Variants in RIMS1 observed in about 807,000 individuals in gnomAD.
RIMS1 encodes regulating synaptic membrane exocytosis protein 1.
Under a neutral mutation model 214.1 loss-of-function variants are expected in RIMS1, and 83 were observed. That is an observed-to-expected ratio of 0.39 (90% CI 0.32 to 0.47). The LOEUF (loss-of-function observed/expected upper bound fraction) is 0.47. RIMS1 is among the 20% of genes least tolerant of loss of function. The probability of loss-of-function intolerance (pLI) is 0.99; values close to 1 mark genes in which losing one functional copy is unlikely to be tolerated. For missense variants in RIMS1, 2,050 were observed against 2,161.8 expected, an observed-to-expected ratio of 0.95 and a Z score of 1.03; for synonymous variants, 793 against 786.8, an observed-to-expected ratio of 1.01 and a Z score of -0.13.
At chr6:72,054,323 A>G (rs928948680) in intron 2 of RIMS1, among the ~76,000 whole-genome samples, 2 of 152,146 alleles carry the variant, frequency 1.3e-5, no homozygotes, top group Non-Finnish European at 2.9e-5. Context: ...TATGCAGTCT[A>G]TCATTGGTGG....
rs375918012 is a variant in RIMS1 at position 72,182,412 on chromosome 6, G to A, written c.941G>A (p.Arg314Gln). The A allele has an allele frequency of 2.2e-5, 35 of 1,613,822 alleles. No homozygotes were observed. Among genetic ancestry groups the A allele is most frequent in the Non-Finnish European group, 2.9e-5 (34 of 1,179,884 alleles). Residue 314 changes from arginine to glutamine, a missense_variant, in exon 6 of 34, where the codon CGG becomes CAG. Physicochemically the swap from Arg to Gln is conservative, Grantham distance 43. Transcript: ENST00000521978. ...GAAGAACGGGAGCGCAAAGAAAGGC[G>A]GGAAAGCCGAAGGCTTGAGAAAGGG... ...AVEERERKERRESRRLEKGRS... is the reference protein window; with the variant it reads ...AVEERERKERQESRRLEKGRS...
At chr6:72,092,317 C>T (rs1477532513) in intron 2 of RIMS1, among the ~76,000 whole-genome samples, 1 of 142,910 alleles carries the variant, frequency 7.0e-6, no homozygotes, top group Non-Finnish European at 1.5e-5. Context: ...TCCTTCCTTC[C>T]TTCCATAATA....
rs1314577793 is a variant in RIMS1, at chr6:72,271,282, AAAAAATATATATATATAT to A, written c.3399-3065_3399-3048del. 2.2e-4 allele frequency among the ~76,000 whole-genome samples: 15 copies of A among 68,336 alleles called. No homozygotes were observed. In the South Asian group the frequency reaches 6.7e-3, roughly 31 times the overall value. The allele number at this position is 68,336 out of a possible 152,430, so 44.8% of individuals were successfully genotyped here. Reference sequence around the variant, plus strand: ...CTCCATCTCAAGGAAAAAAAAAAAAAAAAAATATATATATATATATATATATATATATATGTTAATTAA... The same window carrying A: ...CTCCATCTCAAGGAAAAAAAAAAAAAATATATATATATATATGTTAATTAA... On this transcript the variant is annotated intron_variant, in intron 22 of 33. Transcript: ENST00000521978.
chr6:72,229,966 A>C (rs113436882), intron 6 of RIMS1, among the ~76,000 whole-genome samples: 4,305 of 151,920 alleles, frequency 0.028, 79 homozygotes, highest in Non-Finnish European at 0.042. Flanking sequence ...TATGCAGTGC[A>C]TAAAAACATT....
At chr6:72,184,176 C>T (rs1192852058) in intron 6 of RIMS1, among the ~76,000 whole-genome samples, 2 of 152,140 alleles carry the variant, frequency 1.3e-5, no homozygotes, top group African/African-American at 4.8e-5. Flanking sequence ...TAGTGCAATA[C>T]CATTAACTTT....
At chr6:72,293,355 T>C (rs780298596) in intron 26 of RIMS1, among the ~76,000 whole-genome samples, 12 of 151,980 alleles carry the variant, frequency 7.9e-5, no homozygotes, top group Non-Finnish European at 1.5e-4. Context: ...ATGTTTAACA[T>C]TTTTCCTCTC....
chr6:72,200,598 G>A (rs969100963), intron 6 of RIMS1, among the ~76,000 whole-genome samples: 4 of 152,118 alleles, frequency 2.6e-5, no homozygotes, highest in Admixed American at 2.6e-4. Context: ...GACTTTTTCT[G>A]GTCTTATGAA....
intron 4 of RIMS1, among the ~76,000 whole-genome samples, chr6:72,174,803 G>T (rs2047492596): frequency 6.6e-6 from 1 of 152,152 alleles, no homozygotes; most frequent in South Asian, 2.1e-4. Flanking sequence ...TAGTAAGACA[G>T]TGGAATGGGA....
At chr6:72,010,892 G>A (rs1187650549) in intron 2 of RIMS1, among the ~76,000 whole-genome samples, 6 of 152,168 alleles carry the variant, frequency 3.9e-5, no homozygotes, top group Admixed American at 2.6e-4. Context: ...TCCTGAAAAT[G>A]GCCATACTGC....
intron 6 of RIMS1, among the ~76,000 whole-genome samples, chr6:72,186,670 T>C (rs1192041229): frequency 1.3e-5 from 2 of 152,192 alleles, no homozygotes; most frequent in Admixed American, 1.3e-4. Flanking sequence ...TTTGCAGTTT[T>C]TGGCTTTGTT....
At chr6:72,261,657 AAG>A (rs1268416313) in intron 19 of RIMS1, 2 of 983,230 alleles carry the variant, frequency 2.0e-6, no homozygotes, top group African/African-American at 3.5e-5. Context: ...AAGAGAAAGA[AAG>A]AGGTATTACC....
intron 6 of RIMS1, among the ~76,000 whole-genome samples, chr6:72,222,829 A>G (rs1257352353): frequency 1.3e-5 from 2 of 152,170 alleles, no homozygotes; most frequent in African/African-American, 4.8e-5. Context: ...TTTAACATCA[A>G]TGTTTTGCCC....
At chr6:72,005,108 C>T (rs1291821454) in intron 2 of RIMS1, among the ~76,000 whole-genome samples, 2 of 152,086 alleles carry the variant, frequency 1.3e-5, no homozygotes, top group African/African-American at 2.4e-5. Flanking sequence ...GTTTTCCCAG[C>T]ACCATTTATT....
chr6:72,045,901 C>G (rs549012943), intron 2 of RIMS1, among the ~76,000 whole-genome samples: 1 of 150,120 alleles, frequency 6.7e-6, no homozygotes, highest in African/African-American at 2.4e-5. Flanking sequence ...AATTGAAACC[C>G]TTTAATTTAA....
At chr6:72,256,866 AAATT>A (rs1467062050) in intron 16 of RIMS1, among the ~76,000 whole-genome samples, 2 of 152,036 alleles carry the variant, frequency 1.3e-5, no homozygotes, top group African/African-American at 2.4e-5. Flanking sequence ...TGATAAGAAA[AAATT>A]AAAGTATTTC....
intron 6 of RIMS1, among the ~76,000 whole-genome samples, chr6:72,214,738 G>A (rs560375182): frequency 1.4e-5 from 2 of 144,596 alleles, no homozygotes; most frequent in African/African-American, 5.1e-5. Flanking sequence ...TTTTTTTTTT[G>A]GGAGATGGAA....
At chr6:72,075,581 A>T (rs1167256554) in intron 2 of RIMS1, among the ~76,000 whole-genome samples, 1 of 152,218 alleles carries the variant, frequency 6.6e-6, no homozygotes, top group African/African-American at 2.4e-5. Context: ...TATCATGTAA[A>T]GAGCTTTAAT....
At chr6:71,901,832 C>G (rs1773719081) in intron 1 of RIMS1, among the ~76,000 whole-genome samples, 1 of 152,048 alleles carries the variant, frequency 6.6e-6, no homozygotes, top group African/African-American at 2.4e-5. Context: ...AGGATGAGAA[C>G]TACGAAAGAG....
At chr6:72,227,210 C>T (rs1007032136) in intron 6 of RIMS1, among the ~76,000 whole-genome samples, 4 of 151,856 alleles carry the variant, frequency 2.6e-5, no homozygotes, top group Non-Finnish European at 5.9e-5. Context: ...CTCAAGATTT[C>T]AAATAAGTAA....
Sources: gnomAD v4.1 joint callset for allele counts (sites outside exome capture counted in the v4.1 genomes callset) on GRCh38, gnomAD v4.1.1 for gene constraint, MANE v1.5 for transcripts, NCBI Gene and HGNC (gene_info 2026-07-23, HGNC 2026-07-21) for gene names.